FRMD4B: variants seen among roughly 807,000 people sequenced by gnomAD.
FRMD4B encodes the protein FERM domain-containing protein 4B.
Under a neutral mutation model 141.5 loss-of-function variants are expected in FRMD4B, and 74 were observed. That is an observed-to-expected ratio of 0.52 (90% confidence interval 0.43 to 0.63). The LOEUF is 0.63. Among genes scored for constraint, FRMD4B ranks in the 30% least tolerant of loss-of-function variants. The pLI is 0.00. For synonymous variants in FRMD4B, 506 were observed against 467.9 expected (o/e 1.08, Z -1.05); for missense variants, 1,366 against 1,253.4 (o/e 1.09, Z -1.36).
chr3:69,335,874 C>T (rs1407039169), intron 1 of FRMD4B, among the ~76,000 whole-genome samples: 1 of 151,930 alleles, frequency 6.6e-6, no homozygotes, highest in East Asian at 1.9e-4. Context: ...AGGTGCGTGC[C>T]ACCATGTTCG....
In FRMD4B at chr3:69,195,119, T is replaced by C. The variant is rs2092887207; in HGVS notation, c.1391A>G (p.Lys464Arg). Residue 464 changes from lysine to arginine, a missense_variant, in exon 16 of 23, where the codon AAG becomes AGG. Coordinates refer to ENST00000398540, the MANE Select transcript of FRMD4B (RefSeq NM_015123.3). ...REAELTGKMP[K>R]EYPLNIGEKP... ...CTCGCCTATGTTCAGGGGATACTCCTTTGGCATTTTGCCTGTGAGCTCCTG... is the reference window on the plus strand; with the variant it reads ...CTCGCCTATGTTCAGGGGATACTCCCTTGGCATTTTGCCTGTGAGCTCCTG... 2 of 1,613,884 alleles carry C rather than the reference T, an allele frequency of 1.2e-6. No homozygotes were observed. Among genetic ancestry groups the C allele is most frequent in the South Asian group, 1.1e-5 (1 of 91,080 alleles).
intron 1 of FRMD4B, among the ~76,000 whole-genome samples, chr3:69,488,210 A>G (rs7428514): frequency 0.029 from 4,428 of 152,304 alleles, 207 homozygotes; most frequent in African/African-American, 0.1. Flanking sequence ...GAATTGCCTG[A>G]AGGCTCTTTC....
At chr3:69,489,121 T>A (rs939739795) in intron 1 of FRMD4B, among the ~76,000 whole-genome samples, 1 of 151,568 alleles carries the variant, frequency 6.6e-6, no homozygotes, top group Non-Finnish European at 1.5e-5. Context: ...CTGGGAGAAA[T>A]ATTTGCAAAT....
chr3:69,477,886 G>A (rs1360380017), intron 1 of FRMD4B, among the ~76,000 whole-genome samples: 3 of 151,890 alleles, frequency 2.0e-5, no homozygotes, highest in Admixed American at 6.6e-5. Context: ...TTCAGAGCCT[G>A]TTATTGGTCT....
rs1048774387 is a variant in FRMD4B, at chr3:69,394,244, C to A, written c.-1+38390G>T. ...AGAGAGAGTTCTGGTCTTTTCAGCC[C>A]CTTATAAAGGCACTGATCCTACCAT... On this transcript the variant is annotated intron_variant, in intron 2 of 5. Coordinates refer to the FRMD4B transcript ENST00000459638. 5.3e-5 allele frequency among the ~76,000 whole-genome samples: 8 copies of A among 152,192 alleles called. 1 individual carries two copies. The highest frequency in any genetic ancestry group is 2.9e-5 in the Non-Finnish European group (2 of 68,042).
At chr3:69,263,715 A>T (rs572160230) in intron 5 of FRMD4B, among the ~76,000 whole-genome samples, 2 of 150,934 alleles carry the variant, frequency 1.3e-5, no homozygotes, top group Non-Finnish European at 2.9e-5. Flanking sequence ...CCCAGCCTAT[A>T]TGCACTTTTT....
chr3:69,357,141 G>A (rs1019817637), intron 1 of FRMD4B, among the ~76,000 whole-genome samples: 1 of 152,146 alleles, frequency 6.6e-6, no homozygotes, highest in African/African-American at 2.4e-5. Context: ...AGGTGCCAGG[G>A]ATTCAGTCGT....
At chr3:69,530,493 C>G (rs563793967) in intron 1 of FRMD4B, among the ~76,000 whole-genome samples, 1 of 152,278 alleles carries the variant, frequency 6.6e-6, no homozygotes, top group South Asian at 2.1e-4. Flanking sequence ...GCCTGTGGCT[C>G]TGACCAGATG....
intron 5 of FRMD4B, among the ~76,000 whole-genome samples, chr3:69,274,072 T>C (rs1283836547): frequency 6.6e-6 from 1 of 152,048 alleles, no homozygotes; most frequent in African/African-American, 2.4e-5. Flanking sequence ...TGAGAAAGAC[T>C]AGGATGCATC....
chr3:69,466,161 A>T (rs1009729917), intron 1 of FRMD4B, among the ~76,000 whole-genome samples: 2 of 151,756 alleles, frequency 1.3e-5, no homozygotes, highest in Non-Finnish European at 2.9e-5. Flanking sequence ...GCATTCTTTC[A>T]TGTGTCTGTT....
intron 2 of FRMD4B, among the ~76,000 whole-genome samples, chr3:69,391,789 T>C (rs1374628125): frequency 6.6e-6 from 1 of 152,184 alleles, no homozygotes; most frequent in Non-Finnish European, 1.5e-5. Flanking sequence ...CTGGGATGGC[T>C]CCTCCTTGTG....
chr3:69,231,477 G>A (rs1387704720), intron 7 of FRMD4B, among the ~76,000 whole-genome samples: 1 of 152,162 alleles, frequency 6.6e-6, no homozygotes, highest in African/African-American at 2.4e-5. Context: ...TAGTAGAGAC[G>A]GGGTTTCGCC....
intron 1 of FRMD4B, among the ~76,000 whole-genome samples, chr3:69,360,218 C>A (rs988639515): frequency 2.6e-5 from 4 of 152,164 alleles, no homozygotes; most frequent in African/African-American, 7.2e-5. Flanking sequence ...ATTTTTCCAC[C>A]TAGTTTCAAG....
chr3:69,323,234 T>G (rs1702068115), intron 1 of FRMD4B, among the ~76,000 whole-genome samples: 4 of 152,126 alleles, frequency 2.6e-5, no homozygotes, highest in Admixed American at 2.6e-4. Flanking sequence ...GCTGACTGTG[T>G]GCCTGATAAC....
At chr3:69,245,317 T>TTGTGTGTG (rs67220182) in intron 7 of FRMD4B, among the ~76,000 whole-genome samples, 7 of 142,962 alleles carry the variant, frequency 4.9e-5, no homozygotes, top group Non-Finnish European at 9.1e-5. Context: ...CTGACTTTCT[T>TTGTGTGTG]TGTGTGTGTG....
intron 6 of FRMD4B, 66 bp from the exon 7 acceptor site, chr3:69,249,314 CTTGA>C: frequency 9.4e-7 from 1 of 1,064,890 alleles, no homozygotes. Context: ...TGAGTTTTAT[CTTGA>C]TTACTTTCCC....
At chr3:69,234,739 G>A (rs1486298869) in intron 7 of FRMD4B, among the ~76,000 whole-genome samples, 4 of 152,172 alleles carry the variant, frequency 2.6e-5, no homozygotes, top group African/African-American at 9.7e-5. Flanking sequence ...TTCTGGAAAG[G>A]CAAATCTCAG....
intron 1 of FRMD4B, chr3:69,472,530 C>T (rs933571008): frequency 3.7e-6 from 1 of 270,162 alleles, no homozygotes; most frequent in Non-Finnish European, 7.5e-6. Flanking sequence ...AACTGATGCC[C>T]TTTGGATGTT....
intron 11 of FRMD4B, among the ~76,000 whole-genome samples, chr3:69,211,707 A>T (rs1015547891): frequency 6.6e-6 from 1 of 152,196 alleles, no homozygotes; most frequent in Non-Finnish European, 1.5e-5. Context: ...GAGCACCTTA[A>T]GGCCTCTCAT....
Sources: allele counts gnomAD v4.1 joint callset (sites outside exome capture counted in the v4.1 genomes callset), GRCh38; gene constraint gnomAD v4.1.1; transcripts MANE v1.5; gene names NCBI Gene and HGNC (gene_info 2026-07-23, HGNC 2026-07-21).